ABCD2: variants seen among roughly 807,000 people sequenced by gnomAD.
The protein encoded by ABCD2 is ATP binding cassette subfamily D member 2, also known as ATP-binding cassette sub-family D member 2.
In ABCD2, 36 loss-of-function variants were observed where a neutral mutation model predicts 70.9. That is an observed-to-expected ratio of 0.51 (90% CI 0.39 to 0.67). The LOEUF (loss-of-function observed/expected upper bound fraction) is 0.67. Ranked by LOEUF, ABCD2 falls within the 30% of genes least tolerant of loss-of-function variation. The probability of loss-of-function intolerance (pLI) is 0.00; values close to 1 mark genes in which losing one functional copy is unlikely to be tolerated. For missense variants in ABCD2, 729 were observed against 890.2 expected, an observed-to-expected ratio of 0.82 and a Z score of 2.30; for synonymous variants, 304 against 306.9, an observed-to-expected ratio of 0.99 and a Z score of 0.10.
At chr12:39,592,074 A>T (rs1941754079) in intron 6 of ABCD2, among the ~76,000 whole-genome samples, 1 of 152,180 alleles carries the variant, frequency 6.6e-6, no homozygotes, top group Non-Finnish European at 1.5e-5. Context: ...AAAAAAACTG[A>T]ACTGTACCAA....
intron 2 of ABCD2, among the ~76,000 whole-genome samples, chr12:39,608,205 A>AGAGAG (rs1201542676): frequency 2.6e-5 from 4 of 151,966 alleles, no homozygotes; most frequent in Non-Finnish European, 5.9e-5. Context: ...AATGAAAAGA[A>AGAGAG]GAGAGAGGAG....
chr12:39,570,121 T>C (rs1024137018), intron 9 of ABCD2, among the ~76,000 whole-genome samples: 29 of 152,264 alleles, frequency 1.9e-4, no homozygotes, highest in African/African-American at 6.3e-4. Context: ...CTCATGTTTA[T>C]GAATTGGAAG....
intron 9 of ABCD2, among the ~76,000 whole-genome samples, chr12:39,555,849 G>A (rs951015733): frequency 2.0e-5 from 3 of 152,186 alleles, no homozygotes; most frequent in Non-Finnish European, 4.4e-5. Flanking sequence ...ATAGCCCACA[G>A]TGGCAGGCAG....
intron 2 of ABCD2, among the ~76,000 whole-genome samples, chr12:39,611,376 AACTT>A (rs548266718): frequency 5.2e-4 from 79 of 152,174 alleles, no homozygotes; most frequent in African/African-American, 1.8e-3. Context: ...GTAAACCTAA[AACTT>A]ACCTAAAGAA....
At chr12:39,606,000 A>G (rs532981850) in intron 3 of ABCD2, among the ~76,000 whole-genome samples, 2 of 152,282 alleles carry the variant, frequency 1.3e-5, no homozygotes, top group Admixed American at 1.3e-4. Flanking sequence ...TTAAATGATG[A>G]TTTCTAATGT....
rs200378111 is a variant in ABCD2, at chr12:39,618,972, A to C, written c.644T>G (p.Met215Arg). ...GTGAGCCACAGATTGGGAGAACATC[A>C]TAATATCCTCCGTAAGAGATTGGTC... ...NPDQSLTEDI[M>R]MFSQSVAHLY... Residue 215 changes from methionine (M) to arginine (R), a missense_variant, in exon 1 of 10, where the codon ATG becomes AGG. By Grantham distance (91) the Met-to-Arg change is moderately conservative. This residue lies in a region of ABCD2 where 245 missense variants were observed against 261.2 expected (regional missense o/e 0.94). Transcript: ENST00000308666. 1 of 1,614,252 alleles carries C rather than the reference A, an allele frequency of 6.2e-7. No individual in the cohort carries two copies.
chr12:39,532,934 T>A, the ABCD2 span, among the ~76,000 whole-genome samples: 2 of 151,394 alleles, frequency 1.3e-5, no homozygotes, highest in Non-Finnish European at 2.9e-5. Flanking sequence ...CTGAAGTGGG[T>A]GGATCATGAG....
intron 9 of ABCD2, among the ~76,000 whole-genome samples, chr12:39,567,940 G>T (rs1941382035): frequency 2.0e-5 from 3 of 152,130 alleles, no homozygotes; most frequent in African/African-American, 7.2e-5. Flanking sequence ...CTTTAAGAAT[G>T]TTGAATATTG....
intron 5 of ABCD2, among the ~76,000 whole-genome samples, chr12:39,602,899 A>G (rs1246362190): frequency 1.3e-5 from 2 of 152,192 alleles, no homozygotes; most frequent in Non-Finnish European, 2.9e-5. Context: ...AAATTATGAA[A>G]CCATTAATAA....
At chr12:39,618,091 A>G (rs1028744357) in intron 1 of ABCD2, among the ~76,000 whole-genome samples, 3 of 151,494 alleles carry the variant, frequency 2.0e-5, no homozygotes, top group African/African-American at 7.3e-5. Flanking sequence ...GTCAAAGTAC[A>G]GTGCTGAACA....
intron 5 of ABCD2, among the ~76,000 whole-genome samples, chr12:39,602,679 C>T (rs1941916362): frequency 6.6e-6 from 1 of 151,836 alleles, no homozygotes; most frequent in African/African-American, 2.4e-5. Flanking sequence ...GATACTTTCA[C>T]TAGACTGAGT....
chr12:39,571,111 C>T (rs1941442020), intron 9 of ABCD2, among the ~76,000 whole-genome samples: 1 of 152,130 alleles, frequency 6.6e-6, no homozygotes, highest in Admixed American at 6.5e-5. Flanking sequence ...AACTCTTACA[C>T]ACCTTTGGTG....
chr12:39,613,537 A>G (rs1380824448), intron 2 of ABCD2, among the ~76,000 whole-genome samples: 2 of 152,170 alleles, frequency 1.3e-5, no homozygotes, highest in Non-Finnish European at 2.9e-5. Flanking sequence ...ACTCTACATA[A>G]CTAACACTTC....
At chr12:39,554,153 A>T in intron 9 of ABCD2, 22 bp from the exon 10 acceptor site, 1 of 1,583,440 alleles carries the variant, frequency 6.3e-7, no homozygotes. Context: ...AAATGAAATA[A>T]TATTATTAGC....
chr12:39,586,919 C>T (rs576902174), intron 6 of ABCD2, among the ~76,000 whole-genome samples: 1 of 152,218 alleles, frequency 6.6e-6, no homozygotes, highest in South Asian at 2.1e-4. Flanking sequence ...GGCAAAAATT[C>T]AACAACTTGG....
At position 39,619,662 on chromosome 12, in the gene ABCD2, A is replaced by C; in HGVS notation, c.-47T>G. The C allele has an allele frequency of 2.6e-6, 4 of 1,520,300 alleles. No homozygotes were observed. The South Asian group carries it at 3.5e-5, about 13-fold the overall frequency. The allele number at this position is 1,520,300 out of a possible 1,614,324, so 94.2% of individuals were successfully genotyped here. On this transcript the variant is annotated 5_prime_UTR_variant, in exon 1 of 10. Coordinates refer to ENST00000308666, the MANE Select transcript of ABCD2 (RefSeq NM_005164.4). ...CTTCCAAAAGAATTCGTTTTAAAAG[A>C]TCATGCTTCACAGAAATCCCCAGCA...
intron 9 of ABCD2, among the ~76,000 whole-genome samples, chr12:39,560,145 T>A (rs924963889): frequency 3.3e-5 from 5 of 152,340 alleles, no homozygotes; most frequent in African/African-American, 1.2e-4. Context: ...TATCTCCTAA[T>A]GCTATCTCTC....
chr12:39,547,118 G>A, downstream of ABCD2, among the ~76,000 whole-genome samples: 1 of 151,982 alleles, frequency 6.6e-6, no homozygotes. Context: ...TGAGAGAAAT[G>A]CAAATCAAAA....
chr12:39,570,593 A>G (rs1195300420), intron 9 of ABCD2, among the ~76,000 whole-genome samples: 11 of 152,202 alleles, frequency 7.2e-5, no homozygotes, highest in African/African-American at 2.7e-4. Flanking sequence ...AAAATGGATT[A>G]AAGACTTCAA....
Sources: allele counts gnomAD v4.1 joint callset (sites outside exome capture counted in the v4.1 genomes callset), GRCh38; gene constraint gnomAD v4.1.1; regional missense constraint gnomAD v4.1.1; transcripts MANE v1.5; gene names NCBI Gene and HGNC (gene_info 2026-07-23, HGNC 2026-07-21).